GLIS3: variants seen among roughly 807,000 people sequenced by gnomAD.
GLIS3 encodes zinc finger protein GLIS3.
In GLIS3, 53 loss-of-function variants were observed where a neutral mutation model predicts 78.6. The observed-to-expected ratio is 0.67, with a 90% CI of 0.54 to 0.85. GLIS3 has a LOEUF of 0.85. Among genes scored for constraint, GLIS3 ranks in the 40% least tolerant of loss-of-function variants. GLIS3 has a pLI of 0.00. For missense variants in GLIS3, 1,703 were observed against 1,231.1 expected (o/e 1.38, Z -5.74); for synonymous variants, 684 against 509.9 (o/e 1.34, Z -4.60).
intron 8 of GLIS3, among the ~76,000 whole-genome samples, chr9:3,869,501 T>C (rs1820836571): frequency 6.6e-6 from 1 of 152,192 alleles, no homozygotes; most frequent in Admixed American, 6.5e-5. Context: ...AAGGTACTCC[T>C]AGCAATGTGT....
intron 8 of GLIS3, among the ~76,000 whole-genome samples, chr9:3,863,121 A>AT: frequency 6.6e-6 from 1 of 152,292 alleles, no homozygotes; most frequent in Admixed American, 6.5e-5. Context: ...CGCAATGATA[A>AT]TACCCCACTT....
chr9:3,954,883 C>T (rs1019158638), intron 4 of GLIS3, among the ~76,000 whole-genome samples: 1 of 152,178 alleles, frequency 6.6e-6, no homozygotes, highest in Non-Finnish European at 1.5e-5. Context: ...CAGCTGAAAA[C>T]ATGCCTTTGA....
At chr9:4,199,743 C>CT (rs1819195143) in intron 2 of GLIS3, among the ~76,000 whole-genome samples, 1 of 152,094 alleles carries the variant, frequency 6.6e-6, no homozygotes, top group Non-Finnish European at 1.5e-5. Flanking sequence ...CAGCATTAGA[C>CT]AGATCATTGA....
In GLIS3 at chr9:3,921,047, C is replaced by T. The variant is rs1383967911; in HGVS notation, c.1983+11313G>A. Among the ~76,000 whole-genome samples, 8 of 152,160 alleles carry T rather than the reference C, an allele frequency of 5.3e-5. No individual in the cohort carries two copies. In the East Asian group the frequency reaches 5.8e-4, roughly 11 times the overall value. ...CTTGCATCACAACCCTACGGGACTT[C>T]GCAGTATGGTTGTCACTGAATCTGA... is the stretch of plus-strand genomic sequence containing the variant. On this transcript the variant is annotated intron_variant, in intron 6 of 10. Transcript: ENST00000381971.
chr9:4,358,799 T>TGTGTAA, the GLIS3 span, among the ~76,000 whole-genome samples: 1 of 152,220 alleles, frequency 6.6e-6, no homozygotes, highest in Non-Finnish European at 1.5e-5. Context: ...ACCTATATGG[T>TGTGTAA]AAGCAGATGA....
chr9:3,899,502 T>C (rs956087690), intron 6 of GLIS3, among the ~76,000 whole-genome samples: 1 of 152,020 alleles, frequency 6.6e-6, no homozygotes, highest in Non-Finnish European at 1.5e-5. Flanking sequence ...TGAATAAGAA[T>C]TTTTTAAGTG....
At chr9:3,971,559 C>G (rs1359735382) in intron 4 of GLIS3, among the ~76,000 whole-genome samples, 1 of 152,136 alleles carries the variant, frequency 6.6e-6, no homozygotes. Context: ...GACACAGACA[C>G]AACTGACATG....
chr9:4,255,378 T>C (rs1448135430), intron 2 of GLIS3, among the ~76,000 whole-genome samples: 1 of 152,158 alleles, frequency 6.6e-6, no homozygotes, highest in South Asian at 2.1e-4. Context: ...CCAAAGGAGT[T>C]GAAAACTTAG....
intron 9 of GLIS3, among the ~76,000 whole-genome samples, chr9:3,840,715 G>C (rs928271621): frequency 6.6e-6 from 1 of 152,164 alleles, no homozygotes; most frequent in African/African-American, 2.4e-5. Context: ...TGGAGAGATG[G>C]GTCGTAGCAT....
chr9:4,404,236 A>G, the GLIS3 span, among the ~76,000 whole-genome samples: 1 of 152,238 alleles, frequency 6.6e-6, no homozygotes, highest in Non-Finnish European at 1.5e-5. Context: ...ATATTATTAG[A>G]GCTAAAGAGA....
the GLIS3 span, among the ~76,000 whole-genome samples, chr9:4,359,279 G>A: frequency 2.0e-5 from 3 of 151,912 alleles, no homozygotes; most frequent in Non-Finnish European, 2.9e-5. Context: ...TTGAGTGGCT[G>A]GAACTGGCAT....
intron 2 of GLIS3, among the ~76,000 whole-genome samples, chr9:4,182,354 C>A (rs1232698633): frequency 1.3e-5 from 2 of 152,190 alleles, no homozygotes; most frequent in African/African-American, 4.8e-5. Flanking sequence ...TCCTTCAACA[C>A]TCTTAAATTG....
At chr9:4,371,007 G>T in the GLIS3 span, among the ~76,000 whole-genome samples, 2 of 152,290 alleles carry the variant, frequency 1.3e-5, no homozygotes, top group East Asian at 3.9e-4. Flanking sequence ...GCCCTCAAAT[G>T]TTAACAGTGA....
At chr9:4,396,528 G>T in the GLIS3 span, among the ~76,000 whole-genome samples, 1 of 152,140 alleles carries the variant, frequency 6.6e-6, no homozygotes, top group Admixed American at 6.5e-5. Context: ...TGATTACTTT[G>T]ATTTCTTAGT....
the GLIS3 span, among the ~76,000 whole-genome samples, chr9:4,435,027 G>A: frequency 6.6e-6 from 1 of 152,188 alleles, no homozygotes; most frequent in Non-Finnish European, 1.5e-5. Context: ...ACAAGAATTT[G>A]GGTTGTTCAC....
the GLIS3 span, among the ~76,000 whole-genome samples, chr9:4,409,610 ATAAT>A: frequency 8.5e-5 from 13 of 152,330 alleles, no homozygotes; most frequent in South Asian, 2.7e-3. Context: ...ATAAACAAAG[ATAAT>A]TAGAGAAAAT....
intron 2 of GLIS3, among the ~76,000 whole-genome samples, chr9:4,163,244 GCACACACACACACACACA>G (rs59165297): frequency 6.6e-6 from 1 of 151,546 alleles, no homozygotes; most frequent in African/African-American, 2.4e-5. Context: ...ATGTGCACTG[GCACACACACACACACACA>G]CACACACGCG....
intron 4 of GLIS3, among the ~76,000 whole-genome samples, chr9:3,955,520 G>A (rs952593247): frequency 2.0e-5 from 3 of 152,000 alleles, no homozygotes; most frequent in Non-Finnish European, 4.4e-5. Flanking sequence ...TATTATATAT[G>A]GTATTTTACA....
In GLIS3 at chr9:4,118,182, G is replaced by C; in HGVS notation, c.1296C>G (p.Arg432=). ...SQSAGLFKTE[R]LEEFPGSTVD... is the part of the protein sequence containing the mutation. ...CGGTGCTGCCCGGGAACTCCTCCAG[G>C]CGTTCGGTCTTGAACAGGCCGGCCG... The change falls in exon 4 of 11, where the codon CGC becomes CGG. Residue 432 remains arginine (R), a synonymous_variant. Transcript: ENST00000381971. The surrounding 1 kb of genome is among the most constrained non-coding windows in gnomAD (Gnocchi z 4.7). The C allele has an allele frequency of 6.4e-7, 1 of 1,574,246 alleles. No individual in the cohort carries two copies. Among genetic ancestry groups the C allele is most frequent in the Non-Finnish European group, 8.6e-7 (1 of 1,159,702 alleles).
Sources: allele counts gnomAD v4.1 joint callset (sites outside exome capture counted in the v4.1 genomes callset), GRCh38; gene constraint gnomAD v4.1.1; non-coding constraint Gnocchi (gnomAD v3.1); transcripts MANE v1.5; gene names NCBI Gene and HGNC (gene_info 2026-07-23, HGNC 2026-07-21).